Variants in RABGEF1 observed in about 807,000 individuals in gnomAD.
RABGEF1 encodes rab5 GDP/GTP exchange factor.
Under a neutral mutation model 57.3 loss-of-function variants are expected in RABGEF1, and 26 were observed. The ratio of observed to expected loss-of-function variants is 0.45; its 90% CI spans 0.33 to 0.63. RABGEF1 has a LOEUF of 0.63. Ranked by LOEUF, RABGEF1 falls within the 20% of genes least tolerant of loss-of-function variation. RABGEF1 has a pLI of 0.02. For missense variants in RABGEF1, 464 were observed against 607.6 expected (o/e 0.76, Z 2.48); for synonymous variants, 185 against 210.7 (o/e 0.88, Z 1.06).
At chr7:66,804,016 G>A (rs1274308495) in intron 7 of RABGEF1, among the ~76,000 whole-genome samples, 3 of 152,054 alleles carry the variant, frequency 2.0e-5, no homozygotes, top group African/African-American at 7.2e-5. Context: ...GATTTCTGTA[G>A]CTAGTGGAGA....
At chr7:66,667,761 G>C in the RABGEF1 span, among the ~76,000 whole-genome samples, 1 of 152,162 alleles carries the variant, frequency 6.6e-6, no homozygotes, top group African/African-American at 2.4e-5. Context: ...ACGTCCCCAA[G>C]AAGTTCCATT....
chr7:66,749,042 C>T (rs1376596921), intron 1 of RABGEF1: 1 of 158,606 alleles, frequency 6.3e-6, no homozygotes. Context: ...TCCACTGAAG[C>T]CCTGGTGGTG....
intron 1 of RABGEF1, among the ~76,000 whole-genome samples, chr7:66,766,545 C>G (rs922315981): frequency 1.3e-5 from 2 of 151,958 alleles, no homozygotes; most frequent in African/African-American, 4.8e-5. Flanking sequence ...AGATCTAAAT[C>G]CTGACCTTGG....
intron 1 of RABGEF1, among the ~76,000 whole-genome samples, chr7:66,686,587 A>G (rs552081364): frequency 6.6e-6 from 1 of 152,372 alleles, no homozygotes; most frequent in African/African-American, 2.4e-5. Context: ...AAGTGAGTTT[A>G]AATAATCTAG....
chr7:66,737,676 G>A (rs987720371), upstream of RABGEF1, among the ~76,000 whole-genome samples: 22 of 152,112 alleles, frequency 1.4e-4, no homozygotes, highest in Admixed American at 2.6e-4. Context: ...ACACTAAAAC[G>A]TGGAAAAACA....
At position 66,810,600 on chromosome 7, in the gene RABGEF1, G is replaced by A. The variant is rs956307152; in HGVS notation, c.*1316G>A. 2.6e-5 allele frequency: 4 copies of A among 152,172 alleles called. No individual in the cohort carries two copies. Among genetic ancestry groups the A allele is most frequent in the Non-Finnish European group, 5.9e-5 (4 of 68,018 alleles). The allele number at this position is 152,172 out of a possible 1,614,324, so 9.4% of individuals were successfully genotyped here. On this transcript the variant is annotated 3_prime_UTR_variant, in exon 9 of 9. Coordinates refer to ENST00000284957, the MANE Select transcript of RABGEF1 (RefSeq NM_014504.3). Reference sequence around the variant, plus strand: ...AGGAGGCTTGACAGCTACCTGCATTGTAGAACCTTTTCTTATCTCAGTGGA... The same window carrying A: ...AGGAGGCTTGACAGCTACCTGCATTATAGAACCTTTTCTTATCTCAGTGGA...
At chr7:66,720,194 A>ATTATT (rs1263772824) in intron 2 of RABGEF1, among the ~76,000 whole-genome samples, 1 of 134,340 alleles carries the variant, frequency 7.4e-6, no homozygotes, top group African/African-American at 2.8e-5. Context: ...TATTATTATT[A>ATTATT]TTTTTTTTTT....
At chr7:66,752,287 G>T (rs1801621559) in intron 1 of RABGEF1, among the ~76,000 whole-genome samples, 1 of 152,042 alleles carries the variant, frequency 6.6e-6, no homozygotes, top group Non-Finnish European at 1.5e-5. Flanking sequence ...ACAAGGTCAG[G>T]AGTTCGAGCC....
intron 4 of RABGEF1, 74 bp downstream of exon 4, chr7:66,783,915 C>G: frequency 2.2e-6 from 3 of 1,334,714 alleles, no homozygotes; most frequent in Non-Finnish European, 3.0e-6. Context: ...TATAGTGCAA[C>G]CTTGTCATTT....
chr7:66,738,028 T>G (rs1396835931), upstream of RABGEF1, among the ~76,000 whole-genome samples: 13 of 150,348 alleles, frequency 8.6e-5, no homozygotes, highest in East Asian at 9.8e-4. Flanking sequence ...TTTTTGTTTT[T>G]TTTTTTTTTT....
At chr7:66,803,098 C>CA (rs1462857680) in intron 7 of RABGEF1, among the ~76,000 whole-genome samples, 7 of 152,096 alleles carry the variant, frequency 4.6e-5, no homozygotes, top group Middle Eastern at 3.2e-3. Flanking sequence ...ATCAATGTAA[C>CA]AATAATTATA....
At chr7:66,683,582 C>T (rs1790123157) in intron 1 of RABGEF1, among the ~76,000 whole-genome samples, 1 of 152,010 alleles carries the variant, frequency 6.6e-6, no homozygotes, top group African/African-American at 2.4e-5. Context: ...GGCATTTAGG[C>T]CATGCTGTTG....
At chr7:66,660,028 T>C in the RABGEF1 span, among the ~76,000 whole-genome samples, 2 of 149,692 alleles carry the variant, frequency 1.3e-5, no homozygotes, top group Non-Finnish European at 3.0e-5. Flanking sequence ...AAAAGAAGAC[T>C]CAAATATCCA....
At chr7:66,703,420 A>C (rs1198000771) in intron 1 of RABGEF1, among the ~76,000 whole-genome samples, 1 of 152,160 alleles carries the variant, frequency 6.6e-6, no homozygotes, top group Non-Finnish European at 1.5e-5. Flanking sequence ...CTACAATTTT[A>C]GCTCTCACAG....
chr7:66,762,718 A>T lies in RABGEF1; in HGVS notation c.-17-9165A>T, dbSNP rs113743274. Among the ~76,000 whole-genome samples the T allele has an allele frequency of 2.8e-3, 429 of 152,176 alleles. 1 individual carries two copies. Among genetic ancestry groups the T allele is most frequent in the African/African-American group, 9.9e-3 (413 of 41,510 alleles). On this transcript the variant is annotated intron_variant, in intron 1 of 8. Transcript: ENST00000284957. ...GAACACGCCTCTACCCTCTCCTGCC[A>T]CCCCCGTCCCCCAAAAGAATAATAA...
intron 7 of RABGEF1, 132 bp from the exon 8 acceptor site, chr7:66,805,008 A>G (rs1788131741): frequency 1.1e-5 from 11 of 1,014,948 alleles, no homozygotes; most frequent in Non-Finnish European, 1.4e-5. Flanking sequence ...AAGTTATTAT[A>G]TACTAAGTTA....
intron 1 of RABGEF1, among the ~76,000 whole-genome samples, chr7:66,703,635 A>G (rs1046630206): frequency 1.3e-5 from 2 of 151,362 alleles, no homozygotes; most frequent in African/African-American, 4.9e-5. Context: ...TTTTTCTGGA[A>G]CTCTATTTCA....
At chr7:66,657,991 T>A in the RABGEF1 span, among the ~76,000 whole-genome samples, 10,096 of 152,008 alleles carry the variant, frequency 0.066, 1,088 homozygotes, top group African/African-American at 0.23. Context: ...ATAGATAAAA[T>A]TAAAAGTTTT....
chr7:66,684,998 C>G (rs921309111), intron 1 of RABGEF1, among the ~76,000 whole-genome samples: 1 of 152,060 alleles, frequency 6.6e-6, no homozygotes, highest in Non-Finnish European at 1.5e-5. Flanking sequence ...CCCCTGGCCT[C>G]AAGTGATTCT....
Sources: gnomAD v4.1 joint callset for allele counts (sites outside exome capture counted in the v4.1 genomes callset) on GRCh38, gnomAD v4.1.1 for gene constraint, MANE v1.5 for transcripts, NCBI Gene and HGNC (gene_info 2026-07-23, HGNC 2026-07-21) for gene names.